Variants in FRAS1 observed in about 807,000 individuals in gnomAD.
FRAS1 encodes the protein Fraser extracellular matrix complex subunit 1.
Under a neutral mutation model 435.2 loss-of-function variants are expected in FRAS1, and 290 were observed. That is an observed-to-expected ratio of 0.67 (90% CI 0.61 to 0.73). The LOEUF is 0.73. FRAS1 is among the 30% of genes least tolerant of loss of function. The pLI is 0.00. For synonymous variants in FRAS1, 1,800 were observed against 1,851.0 expected (o/e 0.97, Z 0.71); for missense variants, 4,860 against 5,001.5 (o/e 0.97, Z 0.85).
chr4:78,221,715 A>G (rs1724055928), intron 2 of FRAS1, among the ~76,000 whole-genome samples: 1 of 152,222 alleles, frequency 6.6e-6, no homozygotes, highest in Non-Finnish European at 1.5e-5. Flanking sequence ...ATTCAGGGAC[A>G]TATTGTCCTA....
chr4:78,282,921 A>G lies in FRAS1; in HGVS notation c.1209A>G (p.Thr403=). ...EPSCPPCPVG[T]LALEVKGQCC... ...CTTGCCCACCATGTCCAGTGGGCAC[A>G]CTGGCCTTAGAGGTGAAGGGACAGT... The change falls in exon 12 of 74, where the codon ACA becomes ACG. Residue 403 remains threonine, a synonymous_variant. Coordinates refer to ENST00000512123, the MANE Select transcript of FRAS1 (RefSeq NM_025074.7). The G allele has an allele frequency of 1.2e-6, 2 of 1,610,584 alleles. No individual in the cohort carries two copies. Among genetic ancestry groups the G allele is most frequent in the Non-Finnish European group, 1.7e-6 (2 of 1,178,638 alleles).
chr4:78,132,143 T>C (rs1251300748), intron 2 of FRAS1, among the ~76,000 whole-genome samples: 1 of 152,232 alleles, frequency 6.6e-6, no homozygotes, highest in Non-Finnish European at 1.5e-5. Flanking sequence ...TGTTTTATTT[T>C]TATTTTTTGC....
chr4:78,260,107 C>G (rs1297405434), intron 6 of FRAS1, among the ~76,000 whole-genome samples: 2 of 151,794 alleles, frequency 1.3e-5, no homozygotes, highest in East Asian at 3.9e-4. Flanking sequence ...TTACTGTAGC[C>G]TTGTAGTATA....
intron 35 of FRAS1, among the ~76,000 whole-genome samples, chr4:78,425,105 T>TAATAAG (rs1464198624): frequency 1.0e-4 from 14 of 139,254 alleles, no homozygotes; most frequent in Non-Finnish European, 2.1e-4. Flanking sequence ...ATGGGGATAA[T>TAATAAG]AATAATAATA....
At chr4:78,203,095 T>G (rs1403134121) in intron 2 of FRAS1, among the ~76,000 whole-genome samples, 1 of 152,224 alleles carries the variant, frequency 6.6e-6, no homozygotes, top group Non-Finnish European at 1.5e-5. Flanking sequence ...AATGCCAATT[T>G]TGGGAGTAAT....
intron 71 of FRAS1, among the ~76,000 whole-genome samples, chr4:78,535,567 C>G (rs1721856132): frequency 6.6e-6 from 1 of 152,182 alleles, no homozygotes; most frequent in Non-Finnish European, 1.5e-5. Flanking sequence ...GGGTTATCCT[C>G]AACTTCCCCT....
At chr4:78,467,721 T>A (rs1436820141) in intron 50 of FRAS1, among the ~76,000 whole-genome samples, 2 of 152,134 alleles carry the variant, frequency 1.3e-5, no homozygotes, top group Middle Eastern at 3.2e-3. Flanking sequence ...TTCTCCACAT[T>A]CTCATTAGCA....
At chr4:78,423,320 C>G (rs1353118003) in intron 34 of FRAS1, among the ~76,000 whole-genome samples, 1 of 152,052 alleles carries the variant, frequency 6.6e-6, no homozygotes, top group Non-Finnish European at 1.5e-5. Flanking sequence ...ATGGGTGCCA[C>G]CACACCCGGC....
chr4:78,338,570 T>C (rs1730268141), intron 20 of FRAS1, among the ~76,000 whole-genome samples: 1 of 152,218 alleles, frequency 6.6e-6, no homozygotes, highest in Non-Finnish European at 1.5e-5. Context: ...CTTGCAGAGC[T>C]TCTCCTTTAT....
intron 42 of FRAS1, chr4:78,445,946 G>A (rs760590512): frequency 2.2e-5 from 29 of 1,300,728 alleles, no homozygotes; most frequent in Non-Finnish European, 2.8e-5. Context: ...TTTGTTCGGT[G>A]TGAAAAACAG....
chr4:78,182,730 A>C (rs1052023522), intron 2 of FRAS1, among the ~76,000 whole-genome samples: 2 of 152,022 alleles, frequency 1.3e-5, no homozygotes, highest in African/African-American at 2.4e-5. Context: ...ATACAAAAAA[A>C]TTAGCTGGAC....
At chr4:78,314,313 C>A (rs186187050) in intron 15 of FRAS1, among the ~76,000 whole-genome samples, 27 of 152,160 alleles carry the variant, frequency 1.8e-4, no homozygotes, top group Middle Eastern at 3.2e-3. Context: ...GGCACTCCCC[C>A]ACACCTATTC....
intron 2 of FRAS1, among the ~76,000 whole-genome samples, chr4:78,114,924 G>T (rs1743041684): frequency 1.3e-5 from 2 of 152,102 alleles, no homozygotes; most frequent in Admixed American, 6.5e-5. Flanking sequence ...CAAAGGGAAT[G>T]CTTCCAGTTT....
At chr4:78,294,234 G>C (rs1218791341) in intron 14 of FRAS1, among the ~76,000 whole-genome samples, 1 of 152,190 alleles carries the variant, frequency 6.6e-6, no homozygotes, top group Admixed American at 6.5e-5. Flanking sequence ...GTGCAGCCAG[G>C]AGGTCTGAAA....
intron 58 of FRAS1, among the ~76,000 whole-genome samples, chr4:78,484,709 ATTAAGCC>A (rs1451007902): frequency 2.6e-5 from 4 of 152,204 alleles, no homozygotes; most frequent in Admixed American, 2.6e-4. Flanking sequence ...AAAGCAATCC[ATTAAGCC>A]TTATCTCACT....
At chr4:78,087,322 T>C (rs1741236370) in intron 2 of FRAS1, among the ~76,000 whole-genome samples, 1 of 152,006 alleles carries the variant, frequency 6.6e-6, no homozygotes, top group South Asian at 2.1e-4. Context: ...AATATCATAC[T>C]GAATGGACAA....
intron 2 of FRAS1, among the ~76,000 whole-genome samples, chr4:78,081,047 C>A (rs1740871809): frequency 6.6e-6 from 1 of 152,026 alleles, no homozygotes. Flanking sequence ...GCCTAGGATC[C>A]CCCTGGAAAA....
intron 1 of FRAS1, among the ~76,000 whole-genome samples, chr4:78,060,646 G>C (rs1285784842): frequency 6.6e-6 from 1 of 152,130 alleles, no homozygotes; most frequent in East Asian, 1.9e-4. Flanking sequence ...TTAACTGGTG[G>C]ACTGGCCTCT....
intron 2 of FRAS1, among the ~76,000 whole-genome samples, chr4:78,127,254 A>C (rs570334212): frequency 1.4e-4 from 21 of 152,280 alleles, no homozygotes; most frequent in East Asian, 9.6e-4. Context: ...GTGGAGTGGG[A>C]GGAGCAGGGA....
Sources: allele counts gnomAD v4.1 joint callset (sites outside exome capture counted in the v4.1 genomes callset), GRCh38; gene constraint gnomAD v4.1.1; transcripts MANE v1.5; gene names NCBI Gene and HGNC (gene_info 2026-07-23, HGNC 2026-07-21).